The following MAGI2 variants were observed in gnomAD, a reference collection of about 807,000 sequenced individuals.
MAGI2 encodes the protein membrane associated guanylate kinase, WW and PDZ domain containing 2.
MAGI2 carries 35 observed loss-of-function variants against 133.3 expected under a neutral mutation model. The observed-to-expected ratio is 0.26, with a 90% CI of 0.20 to 0.35. The LOEUF (loss-of-function observed/expected upper bound fraction) is 0.35, where lower values mean the gene tolerates loss of function less well. Ranked by LOEUF, MAGI2 falls within the 10% of genes least tolerant of loss-of-function variation. The probability of loss-of-function intolerance (pLI) is 1.00; values close to 1 mark genes in which losing one functional copy is unlikely to be tolerated. For synonymous variants in MAGI2, 729 were observed against 710.6 expected (o/e 1.03, Z -0.41); for missense variants, 1,636 against 1,863.4 (o/e 0.88, Z 2.25).
intron 9 of MAGI2, among the ~76,000 whole-genome samples, chr7:78,263,862 T>TA (rs1793747552): frequency 6.6e-6 from 1 of 152,168 alleles, no homozygotes; most frequent in African/African-American, 2.4e-5. Flanking sequence ...TTTTCCAACC[T>TA]ACTCTATGCT....
chr7:78,685,747 G>C (rs569632194), intron 2 of MAGI2, among the ~76,000 whole-genome samples: 1 of 151,932 alleles, frequency 6.6e-6, no homozygotes, highest in Non-Finnish European at 1.5e-5. Flanking sequence ...ATAGGTGATA[G>C]GGAGACAAAG....
chr7:79,164,586 G>A (rs1280121638), intron 1 of MAGI2, among the ~76,000 whole-genome samples: 3 of 151,836 alleles, frequency 2.0e-5, no homozygotes, highest in Admixed American at 1.3e-4. Context: ...TAGAACCTTG[G>A]TCTCCACAGT....
intron 1 of MAGI2, among the ~76,000 whole-genome samples, chr7:79,107,885 G>T (rs1034551381): frequency 1.3e-5 from 2 of 152,054 alleles, no homozygotes; most frequent in Non-Finnish European, 2.9e-5. Flanking sequence ...AAAATTCATT[G>T]TAATTATTTA....
chr7:78,955,710 T>TTCC (rs1554310198), intron 2 of MAGI2, among the ~76,000 whole-genome samples: 2 of 125,096 alleles, frequency 1.6e-5, no homozygotes, highest in African/African-American at 6.4e-5. Flanking sequence ...CCTTTCTTTC[T>TTCC]TTTTCTTTCT....
At chr7:78,655,953 C>T (rs1812209799) in intron 2 of MAGI2, among the ~76,000 whole-genome samples, 1 of 141,364 alleles carries the variant, frequency 7.1e-6, no homozygotes, top group African/African-American at 2.6e-5. Flanking sequence ...TGCACTCCAG[C>T]CTGGGCGACA....
At chr7:78,195,377 A>AATG (rs1407190511) in intron 11 of MAGI2, among the ~76,000 whole-genome samples, 28 of 152,206 alleles carry the variant, frequency 1.8e-4, no homozygotes, top group African/African-American at 6.3e-4. Flanking sequence ...AGATAAAGAT[A>AATG]ATGTGTCTCA....
intron 2 of MAGI2, among the ~76,000 whole-genome samples, chr7:78,955,762 T>TTTCC (rs1562713218): frequency 1.7e-4 from 14 of 83,186 alleles, no homozygotes; most frequent in Non-Finnish European, 3.6e-4. Context: ...TCTTTCTTTC[T>TTTCC]TTCTTTCTTT....
intron 2 of MAGI2, among the ~76,000 whole-genome samples, chr7:78,859,984 T>C (rs1258297346): frequency 6.6e-6 from 1 of 152,210 alleles, no homozygotes; most frequent in Non-Finnish European, 1.5e-5. Flanking sequence ...TTCATTTCAT[T>C]CATTTGATCT....
In MAGI2 at chr7:79,346,119, C is replaced by T. The variant is rs139706966; in HGVS notation, c.301+106901G>A. Among the ~76,000 whole-genome samples the T allele has an allele frequency of 6.8e-3, 1,035 of 151,884 alleles. 6 individuals carry two copies. Among genetic ancestry groups the T allele is most frequent in the Non-Finnish European group, 0.011 (756 of 67,870 alleles). ...TAATTTTTGAGGGAAAAGTAATATC[C>T]AACACTTAGATTTTTTTGTAAGGTT... On this transcript the variant is annotated intron_variant, in intron 1 of 21. Coordinates refer to ENST00000354212, the MANE Select transcript of MAGI2 (RefSeq NM_012301.4).
At chr7:78,291,590 G>A (rs897219169) in intron 9 of MAGI2, among the ~76,000 whole-genome samples, 1 of 152,138 alleles carries the variant, frequency 6.6e-6, no homozygotes, top group Non-Finnish European at 1.5e-5. Flanking sequence ...TATGAGGCCA[G>A]CATCATTCTG....
chr7:79,358,312 AT>A (rs1462068803), intron 1 of MAGI2, among the ~76,000 whole-genome samples: 1 of 152,058 alleles, frequency 6.6e-6, no homozygotes, highest in Non-Finnish European at 1.5e-5. Flanking sequence ...TCTGAATTCT[AT>A]TTTTACCCAA....
At chr7:78,574,514 A>G (rs1292069996) in intron 3 of MAGI2, among the ~76,000 whole-genome samples, 1 of 152,220 alleles carries the variant, frequency 6.6e-6, no homozygotes, top group Non-Finnish European at 1.5e-5. Flanking sequence ...GACTTCTATA[A>G]TTTTAGATAC....
intron 10 of MAGI2, among the ~76,000 whole-genome samples, chr7:78,241,364 T>A (rs1485137356): frequency 6.6e-6 from 1 of 152,190 alleles, no homozygotes; most frequent in Non-Finnish European, 1.5e-5. Flanking sequence ...TGCTAAGTGT[T>A]GTTTGTGCAT....
chr7:78,960,707 G>C (rs144390049), intron 2 of MAGI2, among the ~76,000 whole-genome samples: 4 of 152,186 alleles, frequency 2.6e-5, no homozygotes, highest in Admixed American at 6.6e-5. Context: ...CTGATAATAA[G>C]AGAGGTAAAG....
At chr7:79,095,806 T>C (rs139745403) in intron 1 of MAGI2, among the ~76,000 whole-genome samples, 1 of 152,314 alleles carries the variant, frequency 6.6e-6, no homozygotes, top group Non-Finnish European at 1.5e-5. Flanking sequence ...AAGTTTGAAA[T>C]ATTGTGATAA....
At chr7:78,899,254 C>G (rs1797429878) in intron 2 of MAGI2, among the ~76,000 whole-genome samples, 1 of 152,058 alleles carries the variant, frequency 6.6e-6, no homozygotes, top group South Asian at 2.1e-4. Flanking sequence ...CACATTGCAC[C>G]TGAATAGGCA....
At chr7:78,659,687 CTTCATGATGAAAAA>C (rs1812721117) in intron 2 of MAGI2, among the ~76,000 whole-genome samples, 1 of 152,034 alleles carries the variant, frequency 6.6e-6, no homozygotes. Flanking sequence ...AACATGGGAT[CTTCATGATGAAAAA>C]CATGTTCTGT....
intron 1 of MAGI2, among the ~76,000 whole-genome samples, chr7:79,203,341 T>C (rs565573444): frequency 6.6e-6 from 1 of 152,124 alleles, no homozygotes; most frequent in Non-Finnish European, 1.5e-5. Context: ...ACCAAGGGCT[T>C]CCCACTGTAC....
chr7:79,123,929 CT>C lies in MAGI2; in HGVS notation c.302-116724del, dbSNP rs201757605. On this transcript the variant is annotated intron_variant, in intron 1 of 21. Transcript: ENST00000354212. ...TGTTGTCCACTCACAACTCACTCCA[CT>C]TTTTTTTTCAACTTTCTTTTTCACC... 1.7e-4 allele frequency among the ~76,000 whole-genome samples: 26 copies of C among 150,752 alleles called. No homozygotes were observed. In the East Asian group the frequency reaches 2.5e-3, roughly 15 times the overall value.
Sources: allele counts gnomAD v4.1 joint callset (sites outside exome capture counted in the v4.1 genomes callset), GRCh38; gene constraint gnomAD v4.1.1; transcripts MANE v1.5; gene names NCBI Gene and HGNC (gene_info 2026-07-23, HGNC 2026-07-21).